The following TRPC4 variants were observed in gnomAD, a reference collection of about 807,000 sequenced individuals.
The protein encoded by TRPC4 is transient receptor potential cation channel subfamily C member 4.
Under a neutral mutation model 99.4 loss-of-function variants are expected in TRPC4, and 49 were observed. The observed-to-expected ratio is 0.49, with a 90% CI of 0.39 to 0.63. The LOEUF (loss-of-function observed/expected upper bound fraction) is 0.63, where lower values mean the gene tolerates loss of function less well. Among genes scored for constraint, TRPC4 ranks in the 20% least tolerant of loss-of-function variants. The pLI, the probability that TRPC4 is intolerant of heterozygous loss-of-function variation, is 0.00. For synonymous variants in TRPC4, 454 were observed against 425.9 expected, an observed-to-expected ratio of 1.07 and a Z score of -0.81; for missense variants, 898 against 1,152.9, an observed-to-expected ratio of 0.78 and a Z score of 3.20.
intron 3 of TRPC4, among the ~76,000 whole-genome samples, chr13:37,738,870 A>T (rs1176554376): frequency 6.6e-6 from 1 of 152,212 alleles, no homozygotes; most frequent in South Asian, 2.1e-4. Context: ...TGTGATAGAC[A>T]TTACAATGCT....
At chr13:37,740,184 A>T (rs934719071) in intron 3 of TRPC4, among the ~76,000 whole-genome samples, 3 of 152,166 alleles carry the variant, frequency 2.0e-5, no homozygotes, top group Non-Finnish European at 4.4e-5. Flanking sequence ...GGTAGGGTAC[A>T]ACCTTGAGGG....
chr13:37,739,269 G>A (rs938487982), intron 3 of TRPC4, among the ~76,000 whole-genome samples: 1 of 152,066 alleles, frequency 6.6e-6, no homozygotes, highest in Non-Finnish European at 1.5e-5. Context: ...CATAGAAGAA[G>A]CATAAGGGAA....
intron 1 of TRPC4, among the ~76,000 whole-genome samples, chr13:37,792,528 T>C (rs757789281): frequency 5.9e-4 from 90 of 152,156 alleles, no homozygotes; most frequent in Admixed American, 1.4e-3. Context: ...AGGCATAACT[T>C]GTCATAAGAA....
chr13:37,697,718 G>A (rs1593535394), intron 3 of TRPC4, among the ~76,000 whole-genome samples: 1 of 152,158 alleles, frequency 6.6e-6, no homozygotes, highest in Admixed American at 6.6e-5. Flanking sequence ...TAGAGATGGA[G>A]AATATCAGGC....
At chr13:37,825,400 G>T (rs2139561713) in intron 1 of TRPC4, among the ~76,000 whole-genome samples, 1 of 151,648 alleles carries the variant, frequency 6.6e-6, no homozygotes, top group East Asian at 2.0e-4. Context: ...GCTTTCTCTT[G>T]TGGGCATTTA....
At chr13:37,839,747 T>C (rs1232399926) in intron 1 of TRPC4, among the ~76,000 whole-genome samples, 1 of 152,196 alleles carries the variant, frequency 6.6e-6, no homozygotes, top group African/African-American at 2.4e-5. Context: ...AACTGGAATC[T>C]ATGTAGCATC....
chr13:37,686,747 T>C (rs527554615), intron 4 of TRPC4, among the ~76,000 whole-genome samples: 1 of 152,282 alleles, frequency 6.6e-6, no homozygotes, highest in East Asian at 1.9e-4. Context: ...AAGCTATTTT[T>C]AACAGAGCTT....
intron 2 of TRPC4, among the ~76,000 whole-genome samples, chr13:37,776,501 T>C (rs948271441): frequency 2.6e-5 from 4 of 151,820 alleles, no homozygotes; most frequent in Admixed American, 6.6e-5. Context: ...TAAGTTATGG[T>C]TACACATATA....
intron 4 of TRPC4, among the ~76,000 whole-genome samples, chr13:37,678,526 T>C (rs1953133321): frequency 6.6e-6 from 1 of 152,038 alleles, no homozygotes; most frequent in South Asian, 2.1e-4. Context: ...CTTTTTTCCC[T>C]GAGACATAAA....
intron 1 of TRPC4, among the ~76,000 whole-genome samples, chr13:37,815,787 T>C (rs1217151233): frequency 6.6e-6 from 1 of 151,832 alleles, no homozygotes; most frequent in African/African-American, 2.4e-5. Flanking sequence ...TCTACAGAAC[T>C]TTCTACCCTA....
At chr13:37,717,292 C>G (rs1954710436) in intron 3 of TRPC4, among the ~76,000 whole-genome samples, 1 of 152,068 alleles carries the variant, frequency 6.6e-6, no homozygotes, top group South Asian at 2.1e-4. Context: ...AGGACTATTT[C>G]TACATTAGAA....
chr13:37,712,035 C>A (rs1388943426), intron 3 of TRPC4, among the ~76,000 whole-genome samples: 3 of 151,778 alleles, frequency 2.0e-5, no homozygotes, highest in South Asian at 2.1e-4. Flanking sequence ...TCCATTTTGA[C>A]AAACTATATT....
chr13:37,845,801 T>A (rs1339915718), intron 1 of TRPC4, among the ~76,000 whole-genome samples: 1 of 151,992 alleles, frequency 6.6e-6, no homozygotes, highest in Non-Finnish European at 1.5e-5. Flanking sequence ...GACAACAACA[T>A]CCAGGTACAG....
chr13:37,656,637 G>A (rs903763206), intron 6 of TRPC4, among the ~76,000 whole-genome samples: 8 of 152,186 alleles, frequency 5.3e-5, no homozygotes, highest in Non-Finnish European at 7.3e-5. Context: ...CTCTAGAGAA[G>A]TTTGCCTTAA....
At chr13:37,765,467 T>C (rs1956337875) in intron 2 of TRPC4, among the ~76,000 whole-genome samples, 1 of 151,436 alleles carries the variant, frequency 6.6e-6, no homozygotes. Flanking sequence ...AATTCAGCTG[T>C]TATTTGACAT....
chr13:37,826,633 C>T (rs149655460), intron 1 of TRPC4, among the ~76,000 whole-genome samples: 42,966 of 151,192 alleles, frequency 0.28, 6,243 homozygotes, highest in East Asian at 0.42. Flanking sequence ...GGGTTTCTGC[C>T]AAGAGATCCG....
In TRPC4 at chr13:37,820,797, A is replaced by T. The variant is rs185033275; in HGVS notation, c.-27-37437T>A. On this transcript the variant is annotated intron_variant, in intron 1 of 10. Coordinates refer to ENST00000379705, the MANE Select transcript of TRPC4 (RefSeq NM_016179.4). ...TGAAGGAACATACTTCAAAATAATA[A>T]CAGCCATCTAAAAAGACTCACAGCA... is the stretch of plus-strand genomic sequence containing the variant. 5.9e-5 allele frequency among the ~76,000 whole-genome samples: 9 copies of T among 152,162 alleles called. No individual in the cohort carries two copies. In the East Asian group the frequency reaches 1.7e-3, roughly 29 times the overall value.
At chr13:37,796,083 G>A (rs917155234) in intron 1 of TRPC4, among the ~76,000 whole-genome samples, 2 of 152,128 alleles carry the variant, frequency 1.3e-5, no homozygotes, top group Non-Finnish European at 2.9e-5. Context: ...TGGCAGGCAG[G>A]AGCAAGAGTT....
intron 1 of TRPC4, among the ~76,000 whole-genome samples, chr13:37,826,452 C>G (rs1958214168): frequency 7.2e-6 from 1 of 139,626 alleles, no homozygotes; most frequent in South Asian, 2.6e-4. Context: ...TTCAGGAGCT[C>G]TTTTAGGGCA....
Sources: gnomAD v4.1 joint callset for allele counts (sites outside exome capture counted in the v4.1 genomes callset) on GRCh38, gnomAD v4.1.1 for gene constraint, MANE v1.5 for transcripts, NCBI Gene and HGNC (gene_info 2026-07-23, HGNC 2026-07-21) for gene names.